Variants in CFAP251 observed in about 807,000 individuals in gnomAD.
CFAP251 encodes cilia- and flagella-associated protein 251.
A neutral mutation model predicts 126.7 loss-of-function variants in CFAP251; 93 were observed. The observed-to-expected ratio is 0.73, with a 90% CI of 0.62 to 0.87. The LOEUF is 0.87. Ranked by LOEUF, CFAP251 falls within the 40% of genes least tolerant of loss-of-function variation. The pLI, the probability that CFAP251 is intolerant of heterozygous loss-of-function variation, is 0.00. For synonymous variants in CFAP251, 503 were observed against 506.9 expected (o/e 0.99, Z 0.10); for missense variants, 1,287 against 1,389.2 (o/e 0.93, Z 1.17).
chr12:121,995,949 T>C (rs1883013268), intron 19 of CFAP251, among the ~76,000 whole-genome samples: 1 of 152,116 alleles, frequency 6.6e-6, no homozygotes, highest in African/African-American at 2.4e-5. Flanking sequence ...AGGAAGGAAG[T>C]GCCCCAAATC....
chr12:121,921,350 T>C lies in CFAP251; in HGVS notation c.45T>C (p.Asn15=), dbSNP rs200783530. 2.7e-4 allele frequency: 417 copies of C among 1,526,438 alleles called. No individual in the cohort carries two copies. Among genetic ancestry groups the C allele is most frequent in the Non-Finnish European group, 3.5e-4 (401 of 1,135,356 alleles). 94.6% of individuals were successfully genotyped at this position (1,526,438 alleles called of 1,614,324 possible). Residue 15 remains asparagine (N), a synonymous_variant, in exon 2 of 22, where the codon AAT becomes AAC. Transcript: ENST00000288912. The stretch of plus-strand genomic sequence containing the variant: ...CTCCCCGAGAAGCAACAGGAGAAAA[T>C]GGAGAAACAGAAATGAAAGAAGAGG... The part of the protein sequence containing the change: ...AEAPREATGE[N]GETEMKEEEE...
chr12:121,919,143 A>ATTATTATTAT (rs1555215102), intron 1 of CFAP251, among the ~76,000 whole-genome samples: 3 of 146,558 alleles, frequency 2.0e-5, no homozygotes, highest in Non-Finnish European at 3.0e-5. Context: ...TATTATTATT[A>ATTATTATTAT]TTTTTTTTTT....
rs1880168196 is a variant in CFAP251 at position 121,921,449 on chromosome 12, A to T, written c.144A>T (p.Arg48Ser). Residue 48 changes from arginine to serine, a missense_variant, in exon 2 of 22, where the codon AGA (arginine) becomes AGT (serine). By Grantham distance (110) the Arg-to-Ser change is moderately radical. Transcript: ENST00000288912. The part of the protein sequence containing the change: ...QESKDDTIAW[R>S]ESQEEERKTG... The stretch of plus-strand genomic sequence containing the variant: ...CAAAAGATGACACAATAGCATGGAG[A>T]GAGTCTCAGGAGGAGGAGAGGAAAA... 1 of 1,613,282 alleles carries T rather than the reference A, an allele frequency of 6.2e-7. No homozygotes were observed. Among genetic ancestry groups the T allele is most frequent in the Non-Finnish European group, 8.5e-7 (1 of 1,179,716 alleles).
chr12:121,971,847 T>C (rs1882338004), intron 17 of CFAP251: 5 of 477,710 alleles, frequency 1.0e-5, no homozygotes, highest in South Asian at 6.5e-5. Flanking sequence ...TGGTGGGAGA[T>C]GGTTGGATGG....
rs140965042 is a variant in CFAP251 at position 121,949,256 on chromosome 12, C to T, written c.1269+195C>T. On this transcript the variant is annotated intron_variant, in intron 8 of 21. Transcript: ENST00000288912. ...CATATTAAATCAAAAGCAAATAATC[C>T]AATTTTATTTATTAAATTTTATTGA... The T allele has an allele frequency of 1.0e-3, 317 of 312,464 alleles. 6 individuals are homozygous for T. The East Asian group carries it at 0.016, about 16-fold the overall frequency. 19.4% of individuals were successfully genotyped at this position (312,464 alleles called of 1,614,324 possible).
intron 19 of CFAP251, among the ~76,000 whole-genome samples, chr12:121,990,483 C>T (rs752264151): frequency 2.6e-5 from 4 of 152,126 alleles, no homozygotes; most frequent in Non-Finnish European, 4.4e-5. Flanking sequence ...GGGTGGGCAC[C>T]TCCTCTGCAC....
rs766199345 is a variant in CFAP251, at chr12:121,957,282, G to C, written c.1730+14G>C. 5 of 1,599,876 alleles carry C rather than the reference G, an allele frequency of 3.1e-6. No homozygotes were observed. The Admixed American group carries it at 8.8e-5, about 28-fold the overall frequency. ...TTTTGTCTTAAGGTAAGTTGTTAAT[G>C]AATCTAGTCATTAGAATGGTTGAAA... On this transcript the variant is annotated intron_variant, in intron 11 of 21. Transcript: ENST00000288912.
chr12:121,975,150 C>G, intron 17 of CFAP251, 94 bp from the exon 18 acceptor site: 1 of 949,770 alleles, frequency 1.1e-6, no homozygotes, highest in Non-Finnish European at 1.7e-6. Context: ...TGCTGTGATA[C>G]CCTTCAGAGG....
Position 121,973,079 on chromosome 12 carries a change from G to A in CFAP251, c.2772-2165G>A, listed in dbSNP as rs143829434. ...TCCCATCACAGTCCTGGAGGCCTAG[G>A]AGAAAATGGTTTCTTGGGACAAGCC... On this transcript the variant is annotated intron_variant, in intron 17 of 21. Coordinates refer to ENST00000288912, the MANE Select transcript of CFAP251 (RefSeq NM_144668.6). 8.4e-4 allele frequency among the ~76,000 whole-genome samples: 128 copies of A among 152,328 alleles called. 3 individuals carry two copies. In the East Asian group the frequency reaches 0.023, roughly 28 times the overall value.
chr12:121,951,291 A>AT, intron 8 of CFAP251, 189 bp from the exon 9 acceptor site: 1 of 442,354 alleles, frequency 2.3e-6, no homozygotes, highest in Non-Finnish European at 4.1e-6. Flanking sequence ...CATTTTTTAT[A>AT]TTTTTTATGT....
In CFAP251 at chr12:121,922,227, C is replaced by T. The variant is rs371429520; in HGVS notation, c.378+544C>T. On this transcript the variant is annotated intron_variant, in intron 2 of 21. Transcript: ENST00000288912. ...GGTTCAAGTGATTCTCCTGCCTCAG[C>T]CTCCCGAGTAGTGAGATTACAGGCG... Among the ~76,000 whole-genome samples, 57 of 151,928 alleles carry T rather than the reference C, an allele frequency of 3.8e-4. 1 individual carries two copies. In the East Asian group the frequency reaches 9.3e-3, roughly 25 times the overall value.
chr12:121,930,643 G>T (rs1880645847), intron 3 of CFAP251, among the ~76,000 whole-genome samples: 1 of 151,946 alleles, frequency 6.6e-6, no homozygotes, highest in Non-Finnish European at 1.5e-5. Context: ...AGGCAATACA[G>T]AATTTTTAAT....
chr12:121,972,489 AT>A lies in CFAP251; in HGVS notation c.2772-2739del, dbSNP rs1410124157. 3.7e-3 allele frequency among the ~76,000 whole-genome samples: 530 copies of A among 143,460 alleles called. 2 individuals carry two copies. Among genetic ancestry groups the A allele is most frequent in the Non-Finnish European group, 3.7e-3 (238 of 64,902 alleles). The allele number at this position is 143,460 out of a possible 152,430, so 94.1% of individuals were successfully genotyped here. On this transcript the variant is annotated intron_variant, in intron 17 of 21. Coordinates refer to ENST00000288912, the MANE Select transcript of CFAP251 (RefSeq NM_144668.6). Reference sequence around the variant, plus strand: ...ATGATTTAAGATATCTGGTAGAGTAATTTTTTTTTTTTTTTTGAGATGGAGT... The same window carrying A: ...ATGATTTAAGATATCTGGTAGAGTAATTTTTTTTTTTTTTTGAGATGGAGT...
intron 13 of CFAP251, chr12:121,959,630 C>G (rs377031381): frequency 1.3e-3 from 203 of 152,428 alleles, no homozygotes; most frequent in Non-Finnish European, 2.3e-3. Context: ...AGCCTTCATA[C>G]CTTTCAAAAA....
rs1883128181 is a variant in CFAP251, at chr12:122,000,629, A to G, written c.3235+685A>G. 2.0e-5 allele frequency among the ~76,000 whole-genome samples: 3 copies of G among 152,284 alleles called. 1 individual carries two copies. In the South Asian group the frequency reaches 6.2e-4, roughly 32 times the overall value. On this transcript the variant is annotated intron_variant, in intron 20 of 21. Coordinates refer to ENST00000288912, the MANE Select transcript of CFAP251 (RefSeq NM_144668.6). ...CATTTGTGAAATGCAACCACACCAA[A>G]GTAAACTTTTTAATTTTTACCTACT...
intron 5 of CFAP251, among the ~76,000 whole-genome samples, chr12:121,938,184 T>C (rs74546213): frequency 2.0e-4 from 30 of 151,926 alleles, no homozygotes; most frequent in Admixed American, 1.2e-3. Context: ...TTTTTTTTTT[T>C]CTGGTAGAGA....
At chr12:121,951,407 T>G in intron 8 of CFAP251, 73 bp from the exon 9 acceptor site, 1 of 1,088,246 alleles carries the variant, frequency 9.2e-7, no homozygotes, top group Non-Finnish European at 1.3e-6. Context: ...TTTGTTTTGC[T>G]TTTATTATTA....
Position 121,923,844 on chromosome 12 carries a change from T to C in CFAP251, c.601T>C (p.Leu201=), listed in dbSNP as rs1373504579. Residue 201 remains leucine (L), a synonymous_variant, in exon 3 of 22, where the codon TTG becomes CTG. Coordinates refer to ENST00000288912, the MANE Select transcript of CFAP251 (RefSeq NM_144668.6). ...TGAACTGGGACAAGAAAGAAGGGAC[T>C]TGGAGCCAGAAAACAGAGAGGAGGG... The part of the protein sequence containing the change: ...QDELGQERRD[L]EPENREEGQE... The C allele has an allele frequency of 6.2e-7, 1 of 1,614,002 alleles. No homozygotes were observed. Among genetic ancestry groups the C allele is most frequent in the African/African-American group, 1.3e-5 (1 of 74,894 alleles).
In CFAP251 at chr12:121,999,764, G is replaced by A. The variant is rs1883105698; in HGVS notation, c.3055G>A (p.Gly1019Arg). The A allele has an allele frequency of 1.2e-6, 2 of 1,613,430 alleles. No individual in the cohort carries two copies. Among genetic ancestry groups the A allele is most frequent in the Non-Finnish European group, 1.7e-6 (2 of 1,179,598 alleles). Reference sequence around the variant, plus strand: ...CAAATTTGGTGAATATGTGGACACTGGAAAGCTAATCGACAAGATCAACTT... The same window carrying A: ...CAAATTTGGTGAATATGTGGACACTAGAAAGCTAATCGACAAGATCAACTT... ...EIKFGEYVDT[G>R]KLIDKINLPD... The change falls in exon 20 of 22, where the codon GGA becomes AGA. Residue 1019 changes from glycine (G) to arginine (R), a missense_variant. Gly to Arg is a moderately radical substitution (Grantham distance 125, BLOSUM62 -2). Transcript: ENST00000288912.
Sources: allele counts gnomAD v4.1 joint callset (sites outside exome capture counted in the v4.1 genomes callset), GRCh38; gene constraint gnomAD v4.1.1; transcripts MANE v1.5; gene names NCBI Gene and HGNC (gene_info 2026-07-23, HGNC 2026-07-21).